Variants in SUGCT observed in about 807,000 individuals in gnomAD.
SUGCT encodes succinyl-CoA:glutarate CoA-transferase.
SUGCT carries 41 observed loss-of-function variants against 55.0 expected under a neutral mutation model. That is an observed-to-expected ratio of 0.74 (90% CI 0.58 to 0.97). The LOEUF is 0.97. Among genes scored for constraint, SUGCT ranks in the 50% least tolerant of loss-of-function variants. The pLI is 0.00. For synonymous variants in SUGCT, 187 were observed against 200.4 expected (o/e 0.93, Z 0.56); for missense variants, 568 against 547.8 (o/e 1.04, Z -0.37).
chr7:40,377,127 C>T (rs71537718), intron 9 of SUGCT, among the ~76,000 whole-genome samples: 990 of 5,856 alleles, frequency 0.17, 374 homozygotes, highest in South Asian at 0.38. Flanking sequence ...TTTCAGCCTT[C>T]CTCTTTCTTT....
chr7:40,500,805 A>G (rs972753923), intron 12 of SUGCT, among the ~76,000 whole-genome samples: 1 of 152,064 alleles, frequency 6.6e-6, no homozygotes, highest in Admixed American at 6.6e-5. Context: ...TCATATAGCA[A>G]ACTTCAGAAG....
At chr7:40,561,662 C>T (rs1012343048) in intron 12 of SUGCT, among the ~76,000 whole-genome samples, 20 of 148,450 alleles carry the variant, frequency 1.3e-4, no homozygotes, top group African/African-American at 4.7e-4. Flanking sequence ...GATGATTCGC[C>T]AGAGGTGGAG....
At chr7:40,145,621 C>A (rs187275143) in intron 1 of SUGCT, among the ~76,000 whole-genome samples, 66 of 151,976 alleles carry the variant, frequency 4.3e-4, no homozygotes, top group Middle Eastern at 3.4e-3. Context: ...ATACATGTTA[C>A]ACTGTTAACT....
intron 9 of SUGCT, among the ~76,000 whole-genome samples, chr7:40,384,415 G>T (rs1427505616): frequency 6.6e-6 from 1 of 152,180 alleles, no homozygotes; most frequent in Non-Finnish European, 1.5e-5. Context: ...TCACGGATAT[G>T]TGGGCTTTTA....
intron 9 of SUGCT, among the ~76,000 whole-genome samples, chr7:40,369,940 G>C (rs567057265): frequency 6.6e-6 from 1 of 152,230 alleles, no homozygotes; most frequent in East Asian, 1.9e-4. Flanking sequence ...TAGTGCTCGT[G>C]GGGAATGGTG....
At chr7:40,863,133 G>A (rs1794524630), downstream of SUGCT, among the ~76,000 whole-genome samples, 1 of 152,116 alleles carries the variant, frequency 6.6e-6, no homozygotes, top group African/African-American at 2.4e-5. Context: ...CTACTTGGGC[G>A]GCTGAGGCAG....
the SUGCT span, among the ~76,000 whole-genome samples, chr7:40,897,121 C>CATA: frequency 6.6e-6 from 1 of 152,092 alleles, no homozygotes; most frequent in Non-Finnish European, 1.5e-5. Context: ...ATAGTCTCTT[C>CATA]AATAAATGGT....
At chr7:40,610,846 T>G (rs2151770368) in intron 12 of SUGCT, among the ~76,000 whole-genome samples, 1 of 152,306 alleles carries the variant, frequency 6.6e-6, no homozygotes, top group Non-Finnish European at 1.5e-5. Flanking sequence ...GACTTCGAAT[T>G]CCATCATGAA....
chr7:40,822,385 T>C (rs888035831), intron 13 of SUGCT, among the ~76,000 whole-genome samples: 2 of 152,108 alleles, frequency 1.3e-5, no homozygotes, highest in Non-Finnish European at 2.9e-5. Context: ...CCCATTATTA[T>C]TGTGTGGGAG....
chr7:40,414,152 A>G (rs1351115916), intron 9 of SUGCT, among the ~76,000 whole-genome samples: 1 of 152,254 alleles, frequency 6.6e-6, no homozygotes, highest in African/African-American at 2.4e-5. Flanking sequence ...AAGGAAAGAA[A>G]GAACTACACT....
chr7:40,833,211 C>G (rs1238500800), intron 13 of SUGCT, among the ~76,000 whole-genome samples: 1 of 152,080 alleles, frequency 6.6e-6, no homozygotes, highest in East Asian at 1.9e-4. Flanking sequence ...AAAAAGAATC[C>G]AAACTCCACA....
At chr7:40,796,084 T>G (rs1790538865) in intron 13 of SUGCT, among the ~76,000 whole-genome samples, 1 of 152,196 alleles carries the variant, frequency 6.6e-6, no homozygotes, top group Non-Finnish European at 1.5e-5. Flanking sequence ...CTCAAAGTTC[T>G]TTCCTTTCAG....
At chr7:40,446,028 G>T (rs1377093071) in intron 9 of SUGCT, among the ~76,000 whole-genome samples, 1 of 152,056 alleles carries the variant, frequency 6.6e-6, no homozygotes, top group Non-Finnish European at 1.5e-5. Context: ...GATGTGTATT[G>T]TAAGGTATAG....
At chr7:40,156,324 G>T (rs540078711) in intron 1 of SUGCT, among the ~76,000 whole-genome samples, 1 of 152,030 alleles carries the variant, frequency 6.6e-6, no homozygotes, top group Non-Finnish European at 1.5e-5. Context: ...TTAGCCCGGC[G>T]TGGTGAAGGG....
intron 9 of SUGCT, among the ~76,000 whole-genome samples, chr7:40,320,964 CA>C (rs1303615217): frequency 6.6e-6 from 1 of 152,092 alleles, no homozygotes; most frequent in Non-Finnish European, 1.5e-5. Context: ...TTTGAGTCTC[CA>C]GTGTCTATTA....
chr7:41,001,659 G>A, the SUGCT span, among the ~76,000 whole-genome samples: 1 of 152,146 alleles, frequency 6.6e-6, no homozygotes, highest in African/African-American at 2.4e-5. Context: ...TTCAACTGCT[G>A]TTACTAGGGT....
intron 7 of SUGCT, among the ~76,000 whole-genome samples, chr7:40,249,346 T>G (rs1025875377): frequency 1.1e-4 from 14 of 129,864 alleles, no homozygotes; most frequent in African/African-American, 3.7e-4. Context: ...TATATATATA[T>G]AATTATATTA....
chr7:40,215,811 G>A (rs1419931749), intron 6 of SUGCT, among the ~76,000 whole-genome samples: 2 of 151,242 alleles, frequency 1.3e-5, no homozygotes, highest in East Asian at 2.0e-4. Flanking sequence ...GCAGTGAGCC[G>A]AGATCGCGCC....
chr7:40,598,854 A>G (rs1798155376), intron 12 of SUGCT, among the ~76,000 whole-genome samples: 1 of 152,226 alleles, frequency 6.6e-6, no homozygotes, highest in Non-Finnish European at 1.5e-5. Context: ...GGCTCTCAGA[A>G]TGGAGAGGGT....
Sources: gnomAD v4.1 joint callset for allele counts (sites outside exome capture counted in the v4.1 genomes callset) on GRCh38, gnomAD v4.1.1 for gene constraint, MANE v1.5 for transcripts, NCBI Gene and HGNC (gene_info 2026-07-23, HGNC 2026-07-21) for gene names.